DAPK1: variants seen among roughly 807,000 people sequenced by gnomAD.
The protein encoded by DAPK1 is death associated protein kinase 1.
In DAPK1, 56 loss-of-function variants were observed where a neutral mutation model predicts 144.9. That is an observed-to-expected ratio of 0.39 (90% CI 0.31 to 0.48). The LOEUF (loss-of-function observed/expected upper bound fraction) is 0.48, where lower values mean the gene tolerates loss of function less well. Among genes scored for constraint, DAPK1 ranks in the 20% least tolerant of loss-of-function variants. The pLI, the probability that DAPK1 is intolerant of heterozygous loss-of-function variation, is 0.95. For missense variants in DAPK1, 1,454 were observed against 1,875.4 expected (o/e 0.78, Z 4.15); for synonymous variants, 690 against 749.0 (o/e 0.92, Z 1.29).
At chr9:87,557,566 C>G (rs1458944473) in intron 2 of DAPK1, among the ~76,000 whole-genome samples, 1 of 151,972 alleles carries the variant, frequency 6.6e-6, no homozygotes, top group African/African-American at 2.4e-5. Context: ...TTTTCTATCT[C>G]TTACAGAACC....
intron 2 of DAPK1, among the ~76,000 whole-genome samples, chr9:87,569,106 G>A (rs1827240871): frequency 6.6e-6 from 1 of 152,172 alleles, no homozygotes; most frequent in African/African-American, 2.4e-5. Flanking sequence ...GCCTTGGCTG[G>A]TTGGGGAATC....
intron 2 of DAPK1, among the ~76,000 whole-genome samples, chr9:87,561,956 G>C (rs907252987): frequency 6.6e-6 from 1 of 152,144 alleles, no homozygotes; most frequent in Non-Finnish European, 1.5e-5. Context: ...CTGGCCCCCT[G>C]AATGGGCATC....
chr9:87,508,404 G>T (rs1251165673), intron 2 of DAPK1, among the ~76,000 whole-genome samples: 1 of 148,386 alleles, frequency 6.7e-6, no homozygotes, highest in South Asian at 2.2e-4. Context: ...GTGCAGTGGC[G>T]CGATTTCGGC....
intron 2 of DAPK1, among the ~76,000 whole-genome samples, chr9:87,592,815 G>T (rs778062255): frequency 3.3e-5 from 5 of 152,078 alleles, no homozygotes; most frequent in Admixed American, 6.5e-5. Flanking sequence ...TATCTGAGTG[G>T]CTGTCACTTC....
intron 2 of DAPK1, among the ~76,000 whole-genome samples, chr9:87,585,123 C>A (rs1178022826): frequency 6.6e-6 from 1 of 152,172 alleles, no homozygotes; most frequent in African/African-American, 2.4e-5. Flanking sequence ...CACTTTTTCC[C>A]ATTCGGTAGG....
intron 2 of DAPK1, among the ~76,000 whole-genome samples, chr9:87,598,490 T>G (rs532779847): frequency 1.4e-3 from 217 of 152,292 alleles, no homozygotes; most frequent in African/African-American, 5.0e-3. Context: ...CTTTTTTTTT[T>G]GATCTGCACT....
At chr9:87,664,814 A>G (rs1830992935) in intron 18 of DAPK1, among the ~76,000 whole-genome samples, 1 of 152,100 alleles carries the variant, frequency 6.6e-6, no homozygotes, top group Non-Finnish European at 1.5e-5. Flanking sequence ...GAGCCCTTCA[A>G]ATGGGGGCTT....
At chr9:87,505,541 G>C (rs77755327) in intron 2 of DAPK1, among the ~76,000 whole-genome samples, 1 of 151,922 alleles carries the variant, frequency 6.6e-6, no homozygotes. Context: ...GATTACAGGC[G>C]CCTGCCACCG....
chr9:87,628,685 G>A (rs1230460236), intron 3 of DAPK1, among the ~76,000 whole-genome samples: 1 of 152,144 alleles, frequency 6.6e-6, no homozygotes, highest in Non-Finnish European at 1.5e-5. Context: ...GGTAGTTGGG[G>A]ACCACCTCAC....
At position 87,516,327 on chromosome 9, in the gene DAPK1, C is replaced by T. The variant is rs543220167; in HGVS notation, c.62+17188C>T. ...GTCATAGCTGTGGTCTAGGCCATATCGGGTTCTCCCAGCGGGCCCGTTCTC... is the reference window on the plus strand; with the variant it reads ...GTCATAGCTGTGGTCTAGGCCATATTGGGTTCTCCCAGCGGGCCCGTTCTC... On this transcript the variant is annotated intron_variant, in intron 2 of 25. Transcript: ENST00000408954. 1.2e-4 allele frequency among the ~76,000 whole-genome samples: 18 copies of T among 152,260 alleles called. No homozygotes were observed. In the East Asian group the frequency reaches 1.9e-3, roughly 16 times the overall value.
intron 18 of DAPK1, chr9:87,668,345 A>G (rs534185938): frequency 2.1e-6 from 1 of 486,180 alleles, no homozygotes; most frequent in Non-Finnish European, 3.7e-6. Flanking sequence ...TGTGGACCTG[A>G]AAGGTGTCGC....
intron 3 of DAPK1, among the ~76,000 whole-genome samples, chr9:87,628,627 C>T (rs1269567353): frequency 1.3e-5 from 2 of 152,120 alleles, no homozygotes; most frequent in Non-Finnish European, 2.9e-5. Flanking sequence ...GTGGTGATGA[C>T]GGAGCATTGA....
At chr9:87,635,303 G>A (rs1208484147) in intron 3 of DAPK1, among the ~76,000 whole-genome samples, 1 of 152,060 alleles carries the variant, frequency 6.6e-6, no homozygotes, top group Non-Finnish European at 1.5e-5. Flanking sequence ...GTGGGTGCTG[G>A]AAGATTCACC....
At chr9:87,652,607 A>T in intron 17 of DAPK1, among the ~76,000 whole-genome samples, 1 of 96,956 alleles carries the variant, frequency 1.0e-5, no homozygotes, top group South Asian at 3.8e-4. Flanking sequence ...ACCTGATCCC[A>T]GGTCCTGATT....
At chr9:87,627,776 A>G (rs1232659399) in intron 3 of DAPK1, among the ~76,000 whole-genome samples, 2 of 152,162 alleles carry the variant, frequency 1.3e-5, no homozygotes, top group African/African-American at 2.4e-5. Flanking sequence ...CTGTAAACCT[A>G]GGACCTGGGC....
intron 2 of DAPK1, among the ~76,000 whole-genome samples, chr9:87,553,277 C>T (rs932661018): frequency 6.6e-6 from 1 of 151,798 alleles, no homozygotes; most frequent in African/African-American, 2.4e-5. Flanking sequence ...TATTTGGTAT[C>T]TACACAGCAG....
intron 18 of DAPK1, among the ~76,000 whole-genome samples, chr9:87,668,212 C>T (rs1831125886): frequency 6.6e-6 from 1 of 152,172 alleles, no homozygotes. Context: ...CAGTAGCTTG[C>T]ACTAACTAGA....
rs12337048 is a variant in DAPK1 at position 87,666,854 on chromosome 9, C to T, written c.1924-1743C>T. 1.9e-3 allele frequency among the ~76,000 whole-genome samples: 291 copies of T among 152,250 alleles called. 3 individuals are homozygous for T. Among genetic ancestry groups the T allele is most frequent in the African/African-American group, 6.6e-3 (276 of 41,542 alleles). ...AGAGTTCATCCTGTCGGTGAAAGGC[C>T]TCTGCCTGTGTTTTGTGCGCGTCTG... On this transcript the variant is annotated intron_variant, in intron 18 of 25. Coordinates refer to ENST00000408954, the MANE Select transcript of DAPK1 (RefSeq NM_004938.4).
At position 87,708,126 on chromosome 9, in the gene DAPK1, A is replaced by G. The variant is rs778724263; in HGVS notation, c.*762A>G. ...TATGATCAGTGTTGTTGCTCTAGGA[A>G]GACATTTTTCCGTTTGCTTTTGTTC... On this transcript the variant is annotated 3_prime_UTR_variant, in exon 26 of 26. Coordinates refer to ENST00000408954, the MANE Select transcript of DAPK1 (RefSeq NM_004938.4). 1 of 258,434 alleles carries G rather than the reference A, an allele frequency of 3.9e-6. No individual in the cohort carries two copies. Among genetic ancestry groups the G allele is most frequent in the Non-Finnish European group, 7.6e-6 (1 of 131,070 alleles). The allele number at this position is 258,434 out of a possible 1,614,324, so 16.0% of individuals were successfully genotyped here. A position where few individuals can be genotyped will look rare whatever the true frequency, so the allele number is the denominator to read the frequency against.
Sources: allele counts gnomAD v4.1 joint callset (sites outside exome capture counted in the v4.1 genomes callset), GRCh38; gene constraint gnomAD v4.1.1; transcripts MANE v1.5; gene names NCBI Gene and HGNC (gene_info 2026-07-23, HGNC 2026-07-21).